The following CLYBL variants were observed in gnomAD, a reference collection of about 807,000 sequenced individuals.
The protein encoded by CLYBL is citramalyl-CoA lyase, mitochondrial.
A neutral mutation model predicts 38.9 loss-of-function variants in CLYBL; 31 were observed. The observed-to-expected ratio is 0.80, with a 90% CI of 0.60 to 1.08. CLYBL has a LOEUF of 1.08. Among genes scored for constraint, CLYBL ranks in the 50% least tolerant of loss-of-function variants. The probability of loss-of-function intolerance (pLI) is 0.00; values close to 1 mark genes in which losing one functional copy is unlikely to be tolerated. For synonymous variants in CLYBL, 171 were observed against 158.6 expected, an observed-to-expected ratio of 1.08 and a Z score of -0.59; for missense variants, 434 against 411.6, an observed-to-expected ratio of 1.05 and a Z score of -0.47.
intron 1 of CLYBL, among the ~76,000 whole-genome samples, chr13:99,714,223 T>A (rs1384768222): frequency 6.6e-6 from 1 of 152,246 alleles, no homozygotes; most frequent in Admixed American, 6.5e-5. Context: ...TGTCCGTTTC[T>A]CTTGAGTGCT....
At chr13:99,899,845 G>A (rs1012963573), downstream of CLYBL, among the ~76,000 whole-genome samples, 1 of 152,148 alleles carries the variant, frequency 6.6e-6, no homozygotes, top group African/African-American at 2.4e-5. Context: ...GCACAGTAGA[G>A]TTTGGGAATC....
At chr13:99,618,377 C>A (rs2046745784) in intron 1 of CLYBL, among the ~76,000 whole-genome samples, 1 of 152,038 alleles carries the variant, frequency 6.6e-6, no homozygotes, top group African/African-American at 2.4e-5. Context: ...TCAAGCAACT[C>A]TCCTGCCTCT....
At chr13:99,650,442 G>A (rs1039139605) in intron 1 of CLYBL, among the ~76,000 whole-genome samples, 1 of 152,146 alleles carries the variant, frequency 6.6e-6, no homozygotes, top group Admixed American at 6.5e-5. Flanking sequence ...GTTTTCAAGA[G>A]GGGAAGAAAT....
At chr13:99,671,151 T>A (rs2047559770) in intron 1 of CLYBL, among the ~76,000 whole-genome samples, 1 of 152,218 alleles carries the variant, frequency 6.6e-6, no homozygotes, top group African/African-American at 2.4e-5. Context: ...GCTGGCTCCT[T>A]GTCCTCTTGA....
intron 2 of CLYBL, among the ~76,000 whole-genome samples, chr13:99,845,450 A>G (rs1326322677): frequency 1.3e-5 from 2 of 152,226 alleles, no homozygotes; most frequent in Non-Finnish European, 2.9e-5. Flanking sequence ...GTGGTTGTGC[A>G]GTGCGCCTGC....
chr13:99,803,227 G>A (rs903655883), intron 2 of CLYBL, among the ~76,000 whole-genome samples: 1 of 152,180 alleles, frequency 6.6e-6, no homozygotes, highest in Non-Finnish European at 1.5e-5. Flanking sequence ...TTAAGAGAAG[G>A]CCATGGCAAA....
intron 1 of CLYBL, among the ~76,000 whole-genome samples, chr13:99,711,262 C>T (rs2139491719): frequency 6.6e-6 from 1 of 152,210 alleles, no homozygotes; most frequent in East Asian, 1.9e-4. Context: ...TTATTTCCCA[C>T]ACTTCTGGAG....
chr13:99,853,044 A>C (rs2051369111), intron 2 of CLYBL, among the ~76,000 whole-genome samples: 2 of 151,998 alleles, frequency 1.3e-5, no homozygotes, highest in African/African-American at 4.8e-5. Flanking sequence ...ATATACAATG[A>C]AATGCACAAA....
chr13:99,891,319 G>C lies in CLYBL; in HGVS notation c.929G>C (p.Gly310Ala). The change falls in exon 8 of 9, where the codon GGG (glycine) becomes GCG (alanine). Residue 310 changes from glycine to alanine, a missense_variant and splice_region_variant. Physicochemically the swap from Gly to Ala is moderately conservative, Grantham distance 60 (BLOSUM62 0). Coordinates refer to ENST00000339105, the MANE Select transcript of CLYBL (RefSeq NM_206808.5). Reference sequence around the variant, plus strand: ...AAGTTTGTATTCTCTGTTTTCCAGGGGGCCTTTACTTTCCAAGGGAGTATG... The same window carrying C: ...AAGTTTGTATTCTCTGTTTTCCAGGCGGCCTTTACTTTCCAAGGGAGTATG... ...AFKEHQQLGK[G>A]AFTFQGSMID... 1 of 1,610,508 alleles carries C rather than the reference G, an allele frequency of 6.2e-7. No homozygotes were observed. Among genetic ancestry groups the C allele is most frequent in the Non-Finnish European group, 8.5e-7 (1 of 1,176,882 alleles).
At chr13:99,724,542 A>T (rs1010587343) in intron 1 of CLYBL, among the ~76,000 whole-genome samples, 15 of 152,164 alleles carry the variant, frequency 9.9e-5, no homozygotes, top group African/African-American at 3.4e-4. Flanking sequence ...GATGAAAAAA[A>T]AAAAAAGAAT....
At chr13:99,807,390 G>A (rs2050252895) in intron 2 of CLYBL, among the ~76,000 whole-genome samples, 2 of 152,214 alleles carry the variant, frequency 1.3e-5, no homozygotes, top group Non-Finnish European at 1.5e-5. Flanking sequence ...GCACACCCAT[G>A]TTCCTGGCAG....
At chr13:99,815,861 G>A (rs2050436185) in intron 2 of CLYBL, among the ~76,000 whole-genome samples, 1 of 152,012 alleles carries the variant, frequency 6.6e-6, no homozygotes, top group Non-Finnish European at 1.5e-5. Flanking sequence ...TGGGTGACGG[G>A]GAGTGAGAGC....
intron 2 of CLYBL, among the ~76,000 whole-genome samples, chr13:99,839,920 T>C (rs1012852888): frequency 5.9e-5 from 9 of 151,988 alleles, no homozygotes; most frequent in Non-Finnish European, 1.2e-4. Context: ...TATTCATTCA[T>C]ATTTTTTTTT....
intron 1 of CLYBL, among the ~76,000 whole-genome samples, chr13:99,656,194 A>T (rs2047327991): frequency 1.3e-5 from 2 of 152,112 alleles, no homozygotes; most frequent in Admixed American, 1.3e-4. Context: ...GTTGGGAGTG[A>T]TAGAATGAGC....
chr13:99,634,924 C>G (rs1313960861), intron 1 of CLYBL, among the ~76,000 whole-genome samples: 3 of 152,130 alleles, frequency 2.0e-5, no homozygotes, highest in African/African-American at 7.2e-5. Flanking sequence ...GTCTTCTTCC[C>G]CATCCCCAGA....
At chr13:99,840,805 G>A (rs1332746262) in intron 2 of CLYBL, among the ~76,000 whole-genome samples, 1 of 125,052 alleles carries the variant, frequency 8.0e-6, no homozygotes. Flanking sequence ...TATGAAAAAA[G>A]GCAGAAAACC....
At chr13:99,734,938 A>T (rs570469122) in intron 1 of CLYBL, among the ~76,000 whole-genome samples, 1 of 152,250 alleles carries the variant, frequency 6.6e-6, no homozygotes, top group Admixed American at 6.5e-5. Context: ...TTTATTTTGA[A>T]TTTCACCAGT....
chr13:99,862,663 G>T (rs374146792), intron 3 of CLYBL, among the ~76,000 whole-genome samples: 2 of 152,146 alleles, frequency 1.3e-5, no homozygotes, highest in Non-Finnish European at 2.9e-5. Flanking sequence ...TGCATTTAAC[G>T]AAGCGAGGGC....
chr13:99,859,929 G>A (rs2051558324), intron 3 of CLYBL, among the ~76,000 whole-genome samples: 1 of 152,022 alleles, frequency 6.6e-6, no homozygotes, highest in Non-Finnish European at 1.5e-5. Flanking sequence ...AGTGGGCAGT[G>A]GTGGTTTCAT....
Sources: gnomAD v4.1 joint callset for allele counts (sites outside exome capture counted in the v4.1 genomes callset) on GRCh38, gnomAD v4.1.1 for gene constraint, MANE v1.5 for transcripts, NCBI Gene and HGNC (gene_info 2026-07-23, HGNC 2026-07-21) for gene names.